ITPR1: variants seen among roughly 807,000 people sequenced by gnomAD.
ITPR1 encodes inositol 1,4,5-trisphosphate receptor type 1.
ITPR1 carries 96 observed loss-of-function variants against 318.4 expected under a neutral mutation model. That is an observed-to-expected ratio of 0.30 (90% confidence interval 0.26 to 0.36). The LOEUF (loss-of-function observed/expected upper bound fraction) is 0.36. ITPR1 is among the 10% of genes least tolerant of loss of function. The pLI, the probability that ITPR1 is intolerant of heterozygous loss-of-function variation, is 1.00. For synonymous variants in ITPR1, 1,312 were observed against 1,289.9 expected (o/e 1.02, Z -0.37); for missense variants, 2,440 against 3,460.2 (o/e 0.71, Z 7.40).
At chr3:4,718,362 G>C (rs985528523) in intron 40 of ITPR1, among the ~76,000 whole-genome samples, 1 of 152,192 alleles carries the variant, frequency 6.6e-6, no homozygotes, top group Non-Finnish European at 1.5e-5. Context: ...AATGCCTTTA[G>C]ATGAGATAGA....
intron 52 of ITPR1, among the ~76,000 whole-genome samples, chr3:4,791,020 T>C (rs1304943709): frequency 6.6e-6 from 1 of 152,222 alleles, no homozygotes. Context: ...GTGCTGACAC[T>C]TTCTTGCATG....
intron 53 of ITPR1, chr3:4,799,761 A>C (rs1046536701): frequency 2.6e-4 from 40 of 152,354 alleles, no homozygotes; most frequent in African/African-American, 9.6e-4. Flanking sequence ...GATGACAAAA[A>C]TTGGTATAAG....
At chr3:4,621,136 T>C (rs1415032179) in intron 4 of ITPR1, among the ~76,000 whole-genome samples, 5 of 152,154 alleles carry the variant, frequency 3.3e-5, no homozygotes, top group African/African-American at 1.2e-4. Flanking sequence ...CATCACTGTA[T>C]TAGCGTAATG....
At chr3:4,711,982 A>AAAAGAAAGAAAG (rs528816144) in intron 39 of ITPR1, 114 bp downstream of exon 39, 1 of 526,170 alleles carries the variant, frequency 1.9e-6, no homozygotes, top group African/African-American at 1.9e-5. Context: ...AGCTTTTTTT[A>AAAAGAAAGAAAG]AAAGAAAGAA....
At chr3:4,780,470 G>T (rs890126987) in intron 49 of ITPR1, among the ~76,000 whole-genome samples, 1 of 152,182 alleles carries the variant, frequency 6.6e-6, no homozygotes, top group Admixed American at 6.5e-5. Context: ...AGTGTTGCAG[G>T]CTGTGAGACG....
At position 4,779,489 on chromosome 3, in the gene ITPR1, A is replaced by C. The variant is rs2046683291; in HGVS notation, c.6292-61A>C. ...CTCCCATGTGCCAGTTGGCACCTGC[A>C]TTCAGGCCGGGCCCCCAAGCAGCCC... On this transcript the variant is annotated intron_variant, in intron 48 of 61. Coordinates refer to ENST00000649015, the MANE Select transcript of ITPR1 (RefSeq NM_001378452.1). This position sits in a 1 kb window ranked among gnomAD's most constrained non-coding sequence, Gnocchi z 4.0. 6.3e-6 allele frequency: 8 copies of C among 1,271,952 alleles called. No individual in the cohort carries two copies. In the South Asian group the frequency reaches 9.5e-5, roughly 15 times the overall value. 78.8% of individuals were successfully genotyped at this position (1,271,952 alleles called of 1,614,324 possible).
At chr3:4,528,970 A>T (rs1290879680) in intron 4 of ITPR1, among the ~76,000 whole-genome samples, 1 of 152,262 alleles carries the variant, frequency 6.6e-6, no homozygotes, top group East Asian at 1.9e-4. Context: ...GAATGTTCAC[A>T]GTGTGTTACA....
At chr3:4,686,152 T>C (rs1162092980) in intron 30 of ITPR1, among the ~76,000 whole-genome samples, 1 of 152,154 alleles carries the variant, frequency 6.6e-6, no homozygotes, top group Non-Finnish European at 1.5e-5. Context: ...AGAGGTTCAG[T>C]AACTTGCGTG....
At chr3:4,623,581 C>T (rs969868648) in intron 4 of ITPR1, among the ~76,000 whole-genome samples, 1 of 152,120 alleles carries the variant, frequency 6.6e-6, no homozygotes, top group African/African-American at 2.4e-5. Flanking sequence ...TCTGGTTTTC[C>T]TGTATTTGTA....
rs68165287 is a variant in ITPR1, at chr3:4,601,175, CTT to C, written c.164-26572_164-26571del. On this transcript the variant is annotated intron_variant, in intron 4 of 61. Coordinates refer to ENST00000649015, the MANE Select transcript of ITPR1 (RefSeq NM_001378452.1). ...GAACAATTAAATGGGGAAAAATATT[CTT>C]TTTTTTTTTTTTTTTGGCACTGGGG... 9.1e-3 allele frequency among the ~76,000 whole-genome samples: 1,091 copies of C among 119,738 alleles called. 18 individuals carry two copies. Among genetic ancestry groups the C allele is most frequent in the African/African-American group, 0.028 (894 of 31,768 alleles). The allele number at this position is 119,738 out of a possible 152,430, so 78.6% of individuals were successfully genotyped here.
At chr3:4,822,896 G>GA (rs538039942) in intron 60 of ITPR1, among the ~76,000 whole-genome samples, 91 of 152,112 alleles carry the variant, frequency 6.0e-4, no homozygotes, top group Non-Finnish European at 7.8e-4. Context: ...AGGGAAGAGG[G>GA]AAAAAAAATT....
chr3:4,798,677 C>A (rs1048450801), intron 53 of ITPR1, among the ~76,000 whole-genome samples: 4 of 152,154 alleles, frequency 2.6e-5, no homozygotes, highest in Non-Finnish European at 5.9e-5. Context: ...GTAATCACTC[C>A]AAACTGGAAA....
At chr3:4,732,779 A>G (rs138912984) in intron 42 of ITPR1, among the ~76,000 whole-genome samples, 75 of 152,252 alleles carry the variant, frequency 4.9e-4, no homozygotes, top group Middle Eastern at 3.4e-3. Flanking sequence ...AATTTTATCA[A>G]CTTACCCCAA....
chr3:4,790,191 T>C lies in ITPR1; in HGVS notation c.6808+2052T>C, dbSNP rs1409845265. Among the ~76,000 whole-genome samples, 5 of 152,250 alleles carry C rather than the reference T, an allele frequency of 3.3e-5. No individual in the cohort carries two copies. In the East Asian group the frequency reaches 9.7e-4, roughly 29 times the overall value. On this transcript the variant is annotated intron_variant, in intron 52 of 61. Coordinates refer to ENST00000649015, the MANE Select transcript of ITPR1 (RefSeq NM_001378452.1). ...AGATAATGTCTCCAGCCTGGAATAGTAGGAGGACCCTCAGGCCCAAAGAGT... is the reference window on the plus strand; with the variant it reads ...AGATAATGTCTCCAGCCTGGAATAGCAGGAGGACCCTCAGGCCCAAAGAGT...
chr3:4,830,141 T>C (rs944030703), intron 60 of ITPR1, among the ~76,000 whole-genome samples: 5 of 151,512 alleles, frequency 3.3e-5, no homozygotes, highest in African/African-American at 1.2e-4. Flanking sequence ...GCCCAGCTAA[T>C]TTTTTTGTAT....
intron 60 of ITPR1, among the ~76,000 whole-genome samples, chr3:4,827,828 T>C (rs2050179707): frequency 6.6e-6 from 1 of 152,132 alleles, no homozygotes; most frequent in South Asian, 2.1e-4. Context: ...TTGGAGACCA[T>C]CCACATGGCC....
chr3:4,746,090 A>G (rs1180183504), intron 44 of ITPR1, among the ~76,000 whole-genome samples: 2 of 152,186 alleles, frequency 1.3e-5, no homozygotes, highest in Non-Finnish European at 2.9e-5. Context: ...TTCAGGATTC[A>G]TATTCTTGAC....
Position 4,814,412 on chromosome 3 carries a change from C to A in ITPR1, c.7562-11C>A. On this transcript the variant is annotated splice_polypyrimidine_tract_variant and intron_variant, in intron 57 of 61. Coordinates refer to ENST00000649015, the MANE Select transcript of ITPR1 (RefSeq NM_001378452.1). Reference sequence around the variant, plus strand: ...ACGTTTTCTCTCTGTTGTTACTTGCCGTGTTCACAGAGCTGGTCCCTGCAG... The same window carrying A: ...ACGTTTTCTCTCTGTTGTTACTTGCAGTGTTCACAGAGCTGGTCCCTGCAG... 1 of 1,613,676 alleles carries A rather than the reference C, an allele frequency of 6.2e-7. No individual in the cohort carries two copies. The highest frequency in any genetic ancestry group is 1.1e-5 in the South Asian group (1 of 91,056).
chr3:4,802,624 A>T (rs1374697882), intron 54 of ITPR1, among the ~76,000 whole-genome samples: 1 of 152,066 alleles, frequency 6.6e-6, no homozygotes, highest in Admixed American at 6.5e-5. Flanking sequence ...GGAGTTCAAG[A>T]CCAGCCTGGC....
Sources: allele counts gnomAD v4.1 joint callset (sites outside exome capture counted in the v4.1 genomes callset), GRCh38; gene constraint gnomAD v4.1.1; non-coding constraint Gnocchi (gnomAD v3.1); transcripts MANE v1.5; gene names NCBI Gene and HGNC (gene_info 2026-07-23, HGNC 2026-07-21).